DENND4C: variants seen among roughly 807,000 people sequenced by gnomAD.
The protein encoded by DENND4C is DENN domain containing 4C, also known as DENN domain-containing protein 4C.
Under a neutral mutation model 203.0 loss-of-function variants are expected in DENND4C, and 108 were observed. The observed-to-expected ratio is 0.53, with a 90% CI of 0.46 to 0.62. The LOEUF is 0.62. Ranked by LOEUF, DENND4C falls within the 20% of genes least tolerant of loss-of-function variation. The probability of loss-of-function intolerance (pLI) is 0.00; values close to 1 mark genes in which losing one functional copy is unlikely to be tolerated. For synonymous variants in DENND4C, 871 were observed against 792.4 expected, an observed-to-expected ratio of 1.10 and a Z score of -1.67; for missense variants, 2,481 against 2,301.2, an observed-to-expected ratio of 1.08 and a Z score of -1.60.
chr9:19,275,795 CAG>C (rs1403076163), intron 1 of DENND4C, among the ~76,000 whole-genome samples: 1 of 152,024 alleles, frequency 6.6e-6, no homozygotes, highest in East Asian at 1.9e-4. Flanking sequence ...TTAGTAGAGA[CAG>C]GGTTTCACCA....
At position 19,345,947 on chromosome 9, in the gene DENND4C, A is replaced by C. The variant is rs946299923; in HGVS notation, c.3178A>C (p.Thr1060Pro). 6.2e-7 allele frequency: 1 copy of C among 1,613,398 alleles called. No individual in the cohort carries two copies. Among genetic ancestry groups the C allele is most frequent in the African/African-American group, 1.3e-5 (1 of 75,030 alleles). The change falls in exon 23 of 33, where the codon ACT (threonine) becomes CCT (proline). Residue 1060 changes from threonine (T) to proline (P), a missense_variant. Coordinates refer to ENST00000434457, the MANE Select transcript of DENND4C (RefSeq NM_001330640.2). ...TGSISNVLFSTQDPVEDAVFG... is the reference protein window; with the variant it reads ...TGSISNVLFSPQDPVEDAVFG... The stretch of plus-strand genomic sequence containing the variant: ...TAGTATATCAAATGTGCTGTTTTCT[A>C]CTCAAGATCCAGTTGAAGATGCAGT...
At chr9:19,331,158 G>GA (rs1819049521) in intron 16 of DENND4C, among the ~76,000 whole-genome samples, 1 of 151,000 alleles carries the variant, frequency 6.6e-6, no homozygotes, top group Non-Finnish European at 1.5e-5. Context: ...TAGAAAACAT[G>GA]ACTATCAAAC....
rs11396447 is a variant in DENND4C, at chr9:19,245,466, C to CAA, written c.-18+14645_-18+14646dup. On this transcript the variant is annotated intron_variant, in intron 1 of 32. Transcript: ENST00000434457. ...TGGGCGACAGAGTAAGACTCAGTCTCAAAAAAAAAAAAATGTGTTCCAGGT... is the reference window on the plus strand; with the variant it reads ...TGGGCGACAGAGTAAGACTCAGTCTCAAAAAAAAAAAAAAATGTGTTCCAGGT... Among the ~76,000 whole-genome samples, 464 of 139,952 alleles carry CAA rather than the reference C, an allele frequency of 3.3e-3. 14 individuals are homozygous for CAA. Among genetic ancestry groups the CAA allele is most frequent in the East Asian group, 4.5e-3 (21 of 4,678 alleles). 91.8% of individuals were successfully genotyped at this position (139,952 alleles called of 152,430 possible).
intron 15 of DENND4C, among the ~76,000 whole-genome samples, chr9:19,327,415 T>C (rs1356669418): frequency 6.6e-6 from 1 of 152,000 alleles, no homozygotes. Flanking sequence ...TTTTTTGAAA[T>C]AATTTGATAT....
At chr9:19,321,152 T>G (rs751359873) in intron 12 of DENND4C, among the ~76,000 whole-genome samples, 4 of 152,208 alleles carry the variant, frequency 2.6e-5, no homozygotes, top group Non-Finnish European at 5.9e-5. Flanking sequence ...TTTGAAATGT[T>G]AAAAAGAAGA....
chr9:19,336,478 T>C, intron 19 of DENND4C, 64 bp downstream of exon 19: 1 of 1,534,704 alleles, frequency 6.5e-7, no homozygotes, highest in Non-Finnish European at 8.8e-7. Context: ...CATATGAATT[T>C]TTAGCTATGT....
intron 26 of DENND4C, 151 bp from the exon 27 acceptor site, chr9:19,356,821 G>C: frequency 3.0e-6 from 2 of 669,114 alleles, no homozygotes; most frequent in African/African-American, 1.8e-5. Context: ...GAGAGAGTGA[G>C]AGTGTATTGG....
intron 9 of DENND4C, among the ~76,000 whole-genome samples, chr9:19,301,036 G>A (rs1375952221): frequency 1.3e-5 from 2 of 152,082 alleles, no homozygotes; most frequent in African/African-American, 2.4e-5. Context: ...AAGTTAGCCG[G>A]GTGTGGTGGC....
At chr9:19,368,482 A>T (rs1828144069) in intron 30 of DENND4C, among the ~76,000 whole-genome samples, 1 of 152,172 alleles carries the variant, frequency 6.6e-6, no homozygotes, top group African/African-American at 2.4e-5. Flanking sequence ...ACAGAAAATA[A>T]CAGAGGCTGA....
intron 17 of DENND4C, among the ~76,000 whole-genome samples, chr9:19,333,853 GAATTAAAAATGAA>G (rs1210186821): frequency 6.6e-6 from 1 of 152,024 alleles, no homozygotes; most frequent in Non-Finnish European, 1.5e-5. Context: ...AACTAGATTA[GAATTAAAAATGAA>G]AAGTCTTTGC....
At position 19,346,386 on chromosome 9, in the gene DENND4C, A is replaced by C; in HGVS notation, c.3617A>C (p.Glu1206Ala). ...ACTACTGCAACAGTAGATACATATG[A>C]GAGTCTACTAAGTGATAGTAACAGT... Reference protein sequence around the residue: ...PKTTATVDTYESLLSDSNSNQ... With the variant: ...PKTTATVDTYASLLSDSNSNQ... Residue 1206 changes from glutamate to alanine, a missense_variant, in exon 23 of 33, where the codon GAG becomes GCG. Around this residue, in one of 3 missense-constraint regions of DENND4C, gnomAD observed 2,289 missense variants for 2,113.3 expected, o/e 1.08. Coordinates refer to ENST00000434457, the MANE Select transcript of DENND4C (RefSeq NM_001330640.2). 6.2e-7 allele frequency: 1 copy of C among 1,614,080 alleles called. No individual in the cohort carries two copies. The highest frequency in any genetic ancestry group is 8.5e-7 in the Non-Finnish European group (1 of 1,179,944).
Position 19,300,232 on chromosome 9 carries a change from T to C in DENND4C, c.1212T>C (p.Asn404=), listed in dbSNP as rs144424036. The stretch of plus-strand genomic sequence containing the variant: ...TGCTAATGAATCTGGGTCCTGAGAA[T>C]TGTGCAACACTGCTGCTCTTTGTTT... ...STLLMNLGPE[N]CATLLLFVLL... Residue 404 remains asparagine, a synonymous_variant, in exon 9 of 33, where the codon AAT becomes AAC. Coordinates refer to ENST00000434457, the MANE Select transcript of DENND4C (RefSeq NM_001330640.2). 6.5e-4 allele frequency: 1,046 copies of C among 1,612,374 alleles called. 5 individuals are homozygous for C. In the African/African-American group the frequency reaches 0.013, roughly 20 times the overall value.
At position 19,276,324 on chromosome 9, in the gene DENND4C, C is replaced by G. The variant is rs1832898803; in HGVS notation, c.150C>G (p.Ile50Met). 5 of 1,232,016 alleles carry G rather than the reference C, an allele frequency of 4.1e-6. No individual in the cohort carries two copies. The highest frequency in any genetic ancestry group is 4.0e-6 in the Non-Finnish European group (4 of 987,928). The allele number at this position is 1,232,016 out of a possible 1,614,324, so 76.3% of individuals were successfully genotyped here. A position where few individuals can be genotyped will look rare whatever the true frequency, so the allele number is the denominator to read the frequency against. The change falls in exon 2 of 33, where the codon ATC becomes ATG. Residue 50 changes from isoleucine (I) to methionine (M), a missense_variant. By Grantham distance (10) the Ile-to-Met change is conservative. This residue lies in a region of DENND4C where 187 missense variants were observed against 167.4 expected (regional missense o/e 1.12). Transcript: ENST00000434457. ...CAATTACAGACATTGCCATTATTAT[C>G]AAATCAGCTGGAGAAACAGTACCTG... Reference protein sequence around the residue: ...KAPITDIAIIIKSAGETVPEG... With the variant: ...KAPITDIAIIMKSAGETVPEG...
chr9:19,257,745 G>C (rs1014296841), intron 1 of DENND4C, among the ~76,000 whole-genome samples: 2 of 152,176 alleles, frequency 1.3e-5, no homozygotes, highest in African/African-American at 4.8e-5. Context: ...GATAGTAATA[G>C]AATATTATGA....
chr9:19,230,945 TC>T (rs1820366757), intron 1 of DENND4C, 112 bp downstream of exon 1: 2 of 152,274 alleles, frequency 1.3e-5, no homozygotes, highest in Admixed American at 1.3e-4. Context: ...AGGGCTGAGT[TC>T]CGAGTGGCTG....
At position 19,366,372 on chromosome 9, in the gene DENND4C, C is replaced by T. The variant is rs140966549; in HGVS notation, c.5525-3465C>T. 5.7e-3 allele frequency among the ~76,000 whole-genome samples: 867 copies of T among 152,196 alleles called. 12 individuals are homozygous for T. The highest frequency in any genetic ancestry group is 0.019 in the African/African-American group (808 of 41,510). ...ATCCCAGCACTTTGGGAGGCCGAGGCGGGCGGATCACGAGGTCAGGAGATC... is the reference window on the plus strand; with the variant it reads ...ATCCCAGCACTTTGGGAGGCCGAGGTGGGCGGATCACGAGGTCAGGAGATC... On this transcript the variant is annotated intron_variant, in intron 30 of 32. Transcript: ENST00000434457.
intron 20 of DENND4C, among the ~76,000 whole-genome samples, chr9:19,339,685 T>G (rs1033252037): frequency 6.6e-6 from 1 of 152,216 alleles, no homozygotes; most frequent in Non-Finnish European, 1.5e-5. Context: ...TGAGACAATG[T>G]GCTAATATCC....
At chr9:19,352,413 C>A in intron 25 of DENND4C, 77 bp from the exon 26 acceptor site, 1 of 1,380,542 alleles carries the variant, frequency 7.2e-7, no homozygotes. Context: ...TAAAAAAAAT[C>A]CCATTATCTC....
At chr9:19,300,632 G>GT (rs1838366431) in intron 9 of DENND4C, among the ~76,000 whole-genome samples, 1 of 152,152 alleles carries the variant, frequency 6.6e-6, no homozygotes, top group South Asian at 2.1e-4. Flanking sequence ...AATGAAGCTG[G>GT]TTGTATTGAG....
Sources: gnomAD v4.1 joint callset for allele counts (sites outside exome capture counted in the v4.1 genomes callset) on GRCh38, gnomAD v4.1.1 for gene constraint, gnomAD v4.1.1 regional missense constraint, MANE v1.5 for transcripts, NCBI Gene and HGNC (gene_info 2026-07-23, HGNC 2026-07-21) for gene names.